The following RC3H2 variants were observed in gnomAD, a reference collection of about 807,000 sequenced individuals.
RC3H2 encodes roquin-2.
In RC3H2, 31 loss-of-function variants were observed where a neutral mutation model predicts 133.3. That is an observed-to-expected ratio of 0.23 (90% CI 0.17 to 0.31). The LOEUF (loss-of-function observed/expected upper bound fraction) is 0.31, where lower values mean the gene tolerates loss of function less well. Ranked by LOEUF, RC3H2 falls within the 10% of genes least tolerant of loss-of-function variation. The pLI is 1.00. For synonymous variants in RC3H2, 517 were observed against 502.2 expected (o/e 1.03, Z -0.40); for missense variants, 1,175 against 1,437.2 (o/e 0.82, Z 2.95).
rs955943485 is a variant in RC3H2, at chr9:122,845,548, AAG to A, written c.*4077_*4078del. On this transcript the variant is annotated 3_prime_UTR_variant, in exon 21 of 21. Transcript: ENST00000357244. ...ATATTTTAAAAATTTTATTAAAAAAAAGAAAAAACTGCCAATTTTAGACTAGA... is the reference window on the plus strand; with the variant it reads ...ATATTTTAAAAATTTTATTAAAAAAAAAAAAACTGCCAATTTTAGACTAGA... 6.6e-6 allele frequency: 1 copy of A among 152,186 alleles called. No individual in the cohort carries two copies. The allele number at this position is 152,186 out of a possible 1,614,324, so 9.4% of individuals were successfully genotyped here.
chr9:122,849,001 C>G lies in RC3H2; in HGVS notation c.*626G>C, dbSNP rs1829926889. The stretch of plus-strand genomic sequence containing the variant: ...TGGAAAATTAAAAAAAAATTATATG[C>G]TACAGATAAAAGCACTGCACCACAC... On this transcript the variant is annotated 3_prime_UTR_variant, in exon 21 of 21. Transcript: ENST00000357244. The G allele has an allele frequency of 6.6e-6, 1 of 151,828 alleles. No homozygotes were observed. The highest frequency in any genetic ancestry group is 2.4e-5 in the African/African-American group (1 of 41,340). 9.4% of individuals were successfully genotyped at this position (151,828 alleles called of 1,614,324 possible). A position where few individuals can be genotyped will look rare whatever the true frequency, so the allele number is the denominator to read the frequency against.
chr9:122,896,887 A>T (rs1832441144), intron 2 of RC3H2, among the ~76,000 whole-genome samples: 1 of 151,906 alleles, frequency 6.6e-6, no homozygotes, highest in East Asian at 1.9e-4. Flanking sequence ...TTAGCTGGGT[A>T]TGGTGATGTG....
Position 122,860,071 on chromosome 9 carries a change from G to A in RC3H2, c.1695C>T (p.Pro565=). 1.2e-6 allele frequency: 2 copies of A among 1,614,102 alleles called. No individual in the cohort carries two copies. Among genetic ancestry groups the A allele is most frequent in the Non-Finnish European group, 1.7e-6 (2 of 1,180,014 alleles). ...AATTCAGCTCTGTTCCAACATTAGAGGGCCCAGCTGAGGTAGCTGCTACAT... is the reference window on the plus strand; with the variant it reads ...AATTCAGCTCTGTTCCAACATTAGAAGGCCCAGCTGAGGTAGCTGCTACAT... The part of the protein sequence containing the change: ...VSNVAATSAG[P]SNVGTELNSV... The change falls in exon 11 of 21, where the codon CCC becomes CCT. Residue 565 remains proline (P), a synonymous_variant. Coordinates refer to ENST00000357244, the MANE Select transcript of RC3H2 (RefSeq NM_001100588.3).
chr9:122,887,358 A>G (rs1188646733), intron 4 of RC3H2, among the ~76,000 whole-genome samples: 1 of 151,990 alleles, frequency 6.6e-6, no homozygotes, highest in Admixed American at 6.6e-5. Flanking sequence ...GAGCTCCTTC[A>G]TGTTCAACTT....
chr9:122,851,255 C>T (rs1830008467), intron 19 of RC3H2, 26 bp from the exon 20 acceptor site: 1 of 1,612,710 alleles, frequency 6.2e-7, no homozygotes, highest in East Asian at 2.2e-5. Context: ...GTTAATCCTT[C>T]AGTATGAAAG....
chr9:122,849,880 G>GC, intron 20 of RC3H2, 58 bp from the exon 21 acceptor site: 1 of 1,213,744 alleles, frequency 8.2e-7, no homozygotes, highest in Non-Finnish European at 1.1e-6. Flanking sequence ...ACTGTTAAGG[G>GC]TGACTATACA....
intron 9 of RC3H2, among the ~76,000 whole-genome samples, chr9:122,876,517 A>G (rs939620100): frequency 6.6e-6 from 1 of 151,622 alleles, no homozygotes; most frequent in African/African-American, 2.4e-5. Flanking sequence ...GGTTCCAGCT[A>G]CTCGGGAGGC....
intron 4 of RC3H2, among the ~76,000 whole-genome samples, chr9:122,884,840 A>C (rs1202404221): frequency 1.3e-5 from 2 of 151,712 alleles, no homozygotes; most frequent in South Asian, 2.1e-4. Flanking sequence ...CGACATAGCG[A>C]AAGTCCGTCT....
In RC3H2 at chr9:122,874,662, C is replaced by T. The variant is rs548471991; in HGVS notation, c.1325+2809G>A. 284 of 153,240 alleles carry T rather than the reference C, an allele frequency of 1.9e-3. 1 individual carries two copies. Among genetic ancestry groups the T allele is most frequent in the Admixed American group, 3.6e-3 (55 of 15,444 alleles). The allele number at this position is 153,240 out of a possible 1,614,324, so 9.5% of individuals were successfully genotyped here. A position where few individuals can be genotyped will look rare whatever the true frequency, so the allele number is the denominator to read the frequency against. ...CCTCCTGAGTAGCTAAGATGACAGG[C>T]GTATGCCACTATGCTCAGCCAATTT... On this transcript the variant is annotated intron_variant, in intron 9 of 20. Transcript: ENST00000357244.
chr9:122,903,094 G>C (rs948329775), intron 1 of RC3H2, among the ~76,000 whole-genome samples: 1 of 147,912 alleles, frequency 6.8e-6, no homozygotes, highest in African/African-American at 2.4e-5. Flanking sequence ...ACTGGACAGT[G>C]CAACTCTAGA....
intron 4 of RC3H2, among the ~76,000 whole-genome samples, chr9:122,889,323 GTTT>G (rs1466147877): frequency 6.6e-6 from 1 of 151,882 alleles, no homozygotes. Flanking sequence ...TCTTTTATTG[GTTT>G]TTATTACCAG....
intron 10 of RC3H2, among the ~76,000 whole-genome samples, chr9:122,862,254 C>T (rs1227441168): frequency 6.6e-6 from 1 of 151,888 alleles, no homozygotes; most frequent in African/African-American, 2.4e-5. Flanking sequence ...CAACATTTAT[C>T]ACCTCATGAA....
At chr9:122,870,158 T>C (rs1831004163) in intron 9 of RC3H2, among the ~76,000 whole-genome samples, 2 of 151,938 alleles carry the variant, frequency 1.3e-5, no homozygotes, top group African/African-American at 2.4e-5. Flanking sequence ...GTGGATTACC[T>C]GAGGTCAGGA....
At chr9:122,851,761 G>A (rs1209564722) in intron 18 of RC3H2, among the ~76,000 whole-genome samples, 4 of 152,246 alleles carry the variant, frequency 2.6e-5, no homozygotes, top group Admixed American at 6.5e-5. Flanking sequence ...GGCCTCCCGA[G>A]GTGCCGGGAT....
In RC3H2 at chr9:122,904,666, A is replaced by G. The variant is rs529157263; in HGVS notation, c.-68+444T>C. 4.6e-5 allele frequency among the ~76,000 whole-genome samples: 7 copies of G among 152,000 alleles called. No individual in the cohort carries two copies. In the South Asian group the frequency reaches 8.3e-4, roughly 18 times the overall value. ...AGGGCATTGTTTGGCCGGGGTTCCT[A>G]TTTACCACTCAGATCGCCTCCACCA... On this transcript the variant is annotated intron_variant, in intron 1 of 20. Coordinates refer to ENST00000357244, the MANE Select transcript of RC3H2 (RefSeq NM_001100588.3).
intron 13 of RC3H2, among the ~76,000 whole-genome samples, chr9:122,856,533 G>T (rs1830254668): frequency 6.6e-6 from 1 of 152,168 alleles, no homozygotes; most frequent in African/African-American, 2.4e-5. Flanking sequence ...GGGATTATAG[G>T]CATGAGCCAC....
intron 3 of RC3H2, 58 bp from the exon 4 acceptor site, chr9:122,890,603 A>G (rs776156797): frequency 7.5e-7 from 1 of 1,331,732 alleles, no homozygotes; most frequent in Non-Finnish European, 1.0e-6. Context: ...ATAAAAGTCA[A>G]TTTTCATTAT....
chr9:122,866,449 T>G (rs1439340950), intron 9 of RC3H2, among the ~76,000 whole-genome samples: 1 of 141,986 alleles, frequency 7.0e-6, no homozygotes, highest in East Asian at 2.3e-4. Context: ...CTCCCTCTGA[T>G]GCCGAGCCGA....
chr9:122,870,465 A>T (rs567463764), intron 9 of RC3H2, among the ~76,000 whole-genome samples: 3 of 152,308 alleles, frequency 2.0e-5, no homozygotes, highest in Non-Finnish European at 4.4e-5. Context: ...TAGAAAGCAA[A>T]AAATAAAGTT....
Sources: allele counts gnomAD v4.1 joint callset (sites outside exome capture counted in the v4.1 genomes callset), GRCh38; gene constraint gnomAD v4.1.1; transcripts MANE v1.5; gene names NCBI Gene and HGNC (gene_info 2026-07-23, HGNC 2026-07-21).